Variants in ADPRHL1 observed in about 807,000 individuals in gnomAD.
The protein encoded by ADPRHL1 is inactive ADP-ribosyltransferase ARH2.
ADPRHL1 carries 43 observed loss-of-function variants against 44.1 expected under a neutral mutation model. The observed-to-expected ratio is 0.98, with a 90% confidence interval of 0.76 to 1.26. ADPRHL1 has a LOEUF of 1.26. Among genes scored for constraint, ADPRHL1 ranks in the 50% most tolerant of loss-of-function variants. The probability of loss-of-function intolerance (pLI) is 0.00; values close to 1 mark genes in which losing one functional copy is unlikely to be tolerated. For missense variants in ADPRHL1, 2,022 were observed against 2,496.9 expected (o/e 0.81, Z 4.05); for synonymous variants, 878 against 1,017.4 (o/e 0.86, Z 2.61).
At chr13:113,449,329 C>T (rs1274802883) in intron 1 of ADPRHL1, 5 of 580,806 alleles carry the variant, frequency 8.6e-6, no homozygotes, top group Admixed American at 6.4e-5. Flanking sequence ...GAGAGGCTCA[C>T]CCGGAAGGAG....
chr13:113,412,112 G>A (rs2043856380), intron 7 of ADPRHL1, among the ~76,000 whole-genome samples: 1 of 152,192 alleles, frequency 6.6e-6, no homozygotes, highest in Admixed American at 6.5e-5. Flanking sequence ...GGGGGATTCT[G>A]GGAGCCCCCA....
chr13:113,433,078 C>T (rs1054303417), intron 3 of ADPRHL1, among the ~76,000 whole-genome samples: 9 of 149,470 alleles, frequency 6.0e-5, no homozygotes, highest in African/African-American at 2.3e-4. Flanking sequence ...ACGGAAGTGC[C>T]GTGTTAAGGG....
Position 113,428,283 on chromosome 13 carries a change from T to A in ADPRHL1, c.646+669A>T, listed in dbSNP as rs181795169. Among the ~76,000 whole-genome samples, 131 of 150,602 alleles carry A rather than the reference T, an allele frequency of 8.7e-4. 1 individual carries two copies. Among genetic ancestry groups the A allele is most frequent in the Admixed American group, 7.5e-3 (114 of 15,104 alleles). On this transcript the variant is annotated intron_variant, in intron 4 of 7. Transcript: ENST00000612156. The stretch of plus-strand genomic sequence containing the variant: ...AATCAAGAAGACTTCAGCCTGAGGC[T>A]GTTTTGAAAAATAAGCAAACCTGAT...
At position 113,428,991 on chromosome 13, in the gene ADPRHL1, C is replaced by G; in HGVS notation, c.607G>C (p.Ala203Pro). 1 of 1,612,812 alleles carries G rather than the reference C, an allele frequency of 6.2e-7. No individual in the cohort carries two copies. Among genetic ancestry groups the G allele is most frequent in the South Asian group, 1.1e-5 (1 of 91,086 alleles). Residue 203 changes from alanine (A) to proline (P), a missense_variant, in exon 4 of 8, where the codon GCA (alanine) becomes CCA (proline). Physicochemically the swap from Ala to Pro is conservative, Grantham distance 27. Around this residue, in one of 8 missense-constraint regions of ADPRHL1, gnomAD observed 437 missense variants for 430.7 expected, o/e 1.01. Transcript: ENST00000612156. ...ATGGTCTTCCTGCAGTACTCTTCTG[C>G]CAGAGGCACCGCCCGCAGCATGTCT... is the stretch of plus-strand genomic sequence containing the variant. ...GRDMLRAVPL[A>P]EEYCRKTIRH...
intron 6 of ADPRHL1, 26 bp downstream of exon 6, chr13:113,424,191 G>T: frequency 9.9e-6 from 16 of 1,611,894 alleles, no homozygotes; most frequent in Non-Finnish European, 1.4e-5. Context: ...CCTCCAGGAA[G>T]CCACGGCCAT....
chr13:113,404,330 C>T lies in ADPRHL1; in HGVS notation c.4952G>A (p.Arg1651Gln), dbSNP rs1209442897. Residue 1651 changes from arginine to glutamine, a missense_variant, in exon 8 of 8, where the codon CGG (arginine) becomes CAG (glutamine). By Grantham distance (43) the Arg-to-Gln change is conservative. Around this residue, in one of 8 missense-constraint regions of ADPRHL1, gnomAD observed 25 missense variants for 50.2 expected, o/e 0.50. Coordinates refer to ENST00000612156, the MANE Select transcript of ADPRHL1 (RefSeq NM_001394807.1). The stretch of plus-strand genomic sequence containing the variant: ...CTGCTCCTGAGCCTGTTCCTGGGCC[C>T]GTTCCTGAGCCCCTTTCTGGGCCTG... ...QGQAQKGAQE[R>Q]AQEQAQEQTQ... 10 of 1,317,546 alleles carry T rather than the reference C, an allele frequency of 7.6e-6. No individual in the cohort carries two copies. Among genetic ancestry groups the T allele is most frequent in the Admixed American group, 4.0e-5 (1 of 25,270 alleles). The allele number at this position is 1,317,546 out of a possible 1,614,324, so 81.6% of individuals were successfully genotyped here.
chr13:113,430,121 G>A (rs1206092462), intron 3 of ADPRHL1, among the ~76,000 whole-genome samples: 1 of 152,172 alleles, frequency 6.6e-6, no homozygotes, highest in African/African-American at 2.4e-5. Context: ...CAGCTCTCAG[G>A]GAACATGGCC....
At chr13:113,417,691 G>C (rs1214092784) in intron 7 of ADPRHL1, among the ~76,000 whole-genome samples, 6 of 96,782 alleles carry the variant, frequency 6.2e-5, no homozygotes, top group African/African-American at 2.6e-4. Flanking sequence ...CCCGCAACAG[G>C]CTAAGTGAGC....
Position 113,419,002 on chromosome 13 carries a change from T to TC in ADPRHL1, c.1061+3823dup, listed in dbSNP as rs2043900488. 6.3e-3 allele frequency among the ~76,000 whole-genome samples: 215 copies of TC among 34,172 alleles called. 17 individuals are homozygous for TC. The highest frequency in any genetic ancestry group is 0.014 in the African/African-American group (132 of 9,754). 22.4% of individuals were successfully genotyped at this position (34,172 alleles called of 152,430 possible). On this transcript the variant is annotated intron_variant, in intron 7 of 7. Transcript: ENST00000612156. ...TCCTTCCCTCCCTCCCTCCCTCCCTTCCTCCCTCCCTTCCTTCCTTTCTTC... is the reference window on the plus strand; with the variant it reads ...TCCTTCCCTCCCTCCCTCCCTCCCTTCCCTCCCTCCCTTCCTTCCTTTCTTC...
At chr13:113,417,113 G>T (rs1244870608) in intron 7 of ADPRHL1, among the ~76,000 whole-genome samples, 2 of 152,264 alleles carry the variant, frequency 1.3e-5, no homozygotes, top group African/African-American at 2.4e-5. Context: ...ACAGACGGCT[G>T]CTGGGAGAGG....
chr13:113,448,465 CAAAAAAAAAAAAA>C (rs61278696), intron 1 of ADPRHL1, among the ~76,000 whole-genome samples: 3 of 39,844 alleles, frequency 7.5e-5, no homozygotes, highest in Non-Finnish European at 1.3e-4. Flanking sequence ...GACTATGTCC[CAAAAAAAAAAAAA>C]AAAAAAAAAA....
intron 1 of ADPRHL1, chr13:113,449,045 T>G (rs912569857): frequency 1.0e-6 from 1 of 987,034 alleles, no homozygotes; most frequent in African/African-American, 1.7e-5. Context: ...GCTGGCAACA[T>G]GGGCTTGTCG....
In ADPRHL1 at chr13:113,406,217, G is replaced by A; in HGVS notation, c.3065C>T (p.Ser1022Phe). 8.1e-7 allele frequency: 1 copy of A among 1,232,182 alleles called. No individual in the cohort carries two copies. Among genetic ancestry groups the A allele is most frequent in the Non-Finnish European group, 1.0e-6 (1 of 988,034 alleles). The allele number at this position is 1,232,182 out of a possible 1,614,324, so 76.3% of individuals were successfully genotyped here. A position where few individuals can be genotyped will look rare whatever the true frequency, so the allele number is the denominator to read the frequency against. ...NLLRGNTSHA[S>F]SSQQVPSPTG... ...CGGGGACGGCACTTGCTGGCTGCTG[G>A]AGGCATGGCTGGTGTTTCCCCTCAG... Residue 1022 changes from serine (S) to phenylalanine (F), a missense_variant, in exon 8 of 8, where the codon TCC becomes TTC. Ser to Phe is a radical substitution (Grantham distance 155, BLOSUM62 -2). Around this residue, in one of 8 missense-constraint regions of ADPRHL1, gnomAD observed 1,221 missense variants for 1,517.8 expected, o/e 0.80. Transcript: ENST00000612156.
intron 7 of ADPRHL1, among the ~76,000 whole-genome samples, chr13:113,416,927 G>A (rs2043890017): frequency 6.6e-6 from 1 of 152,244 alleles, no homozygotes; most frequent in South Asian, 2.1e-4. Flanking sequence ...GCGAATGCAC[G>A]AGTGTGTGCA....
chr13:113,442,621 A>G (rs1337469326), intron 2 of ADPRHL1, among the ~76,000 whole-genome samples: 3 of 152,158 alleles, frequency 2.0e-5, no homozygotes, highest in South Asian at 2.1e-4. Context: ...TCTGGCCTTC[A>G]AGATTCTTCT....
rs2043813443 is a variant in ADPRHL1, at chr13:113,406,934, G to A, written c.2348C>T (p.Thr783Ile). The A allele has an allele frequency of 4.1e-6, 5 of 1,232,068 alleles. No homozygotes were observed. Among genetic ancestry groups the A allele is most frequent in the Middle Eastern group, 3.1e-4 (1 of 3,230 alleles). The allele number at this position is 1,232,068 out of a possible 1,614,324, so 76.3% of individuals were successfully genotyped here. ...CAGEGPEITM[T>I]VCSSEDEREG... ...CCTTTCATCCTCTGAACTGCAAACA[G>A]TCATGGTGATTTCAGGGCCCTCCCC... The change falls in exon 8 of 8, where the codon ACT (threonine) becomes ATT (isoleucine). Residue 783 changes from threonine to isoleucine, a missense_variant. Physicochemically the swap from Thr to Ile is moderately conservative, Grantham distance 89 (BLOSUM62 -1). Transcript: ENST00000612156.
intron 7 of ADPRHL1, among the ~76,000 whole-genome samples, chr13:113,417,416 GC>G (rs1245225693): frequency 5.9e-5 from 9 of 152,252 alleles, no homozygotes; most frequent in Non-Finnish European, 1.0e-4. Context: ...CCTGGGGACC[GC>G]CCCTGTGGCC....
chr13:113,444,142 C>T lies in ADPRHL1; in HGVS notation c.379+283G>A, dbSNP rs916372901. On this transcript the variant is annotated intron_variant, in intron 2 of 7. Coordinates refer to ENST00000612156, the MANE Select transcript of ADPRHL1 (RefSeq NM_001394807.1). Reference sequence around the variant, plus strand: ...TGCCCGTATTCCTTAAACAGACGCCCGCACTGGCCAGGCTGACCAGGAGGG... The same window carrying T: ...TGCCCGTATTCCTTAAACAGACGCCTGCACTGGCCAGGCTGACCAGGAGGG... Among the ~76,000 whole-genome samples, 14 of 151,886 alleles carry T rather than the reference C, an allele frequency of 9.2e-5. No individual in the cohort carries two copies. In the South Asian group the frequency reaches 1.5e-3, roughly 16 times the overall value.
In ADPRHL1 at chr13:113,407,953, G is replaced by A; in HGVS notation, c.1329C>T (p.Arg443=). 1 of 1,232,000 alleles carries A rather than the reference G, an allele frequency of 8.1e-7. No individual in the cohort carries two copies. Among genetic ancestry groups the A allele is most frequent in the Non-Finnish European group, 1.0e-6 (1 of 987,974 alleles). The allele number at this position is 1,232,000 out of a possible 1,614,324, so 76.3% of individuals were successfully genotyped here. A position where few individuals can be genotyped will look rare whatever the true frequency, so the allele number is the denominator to read the frequency against. ...QAKFLGTGRE[R]YLKRTREVGR... is the part of the protein sequence containing the mutation. ...CCACCTCCCTGGTCCTCTTGAGGTA[G>A]CGCTCCCGGCCAGTGCCCAGGAACT... is the stretch of plus-strand genomic sequence containing the variant. Residue 443 remains arginine, a synonymous_variant, in exon 8 of 8, where the codon CGC becomes CGT. Transcript: ENST00000612156.
Sources: gnomAD v4.1 joint callset for allele counts (sites outside exome capture counted in the v4.1 genomes callset) on GRCh38, gnomAD v4.1.1 for gene constraint, gnomAD v4.1.1 regional missense constraint, MANE v1.5 for transcripts, NCBI Gene and HGNC (gene_info 2026-07-23, HGNC 2026-07-21) for gene names.